Variants in EFCAB8 observed in about 807,000 individuals in gnomAD.
The protein encoded by EFCAB8 is EF-hand calcium-binding domain-containing protein 8.
EFCAB8 carries 100 observed loss-of-function variants against 116.3 expected under a neutral mutation model. That is an observed-to-expected ratio of 0.86 (90% CI 0.73 to 1.02). The LOEUF is 1.02. EFCAB8 is among the 50% of genes least tolerant of loss of function. EFCAB8 has a pLI of 0.00. For synonymous variants in EFCAB8, 558 were observed against 567.9 expected (o/e 0.98, Z 0.25); for missense variants, 1,320 against 1,416.9 (o/e 0.93, Z 1.10).
At chr20:32,945,152 TTTATTA>T (rs934084319) in intron 23 of EFCAB8, among the ~76,000 whole-genome samples, 11 of 151,774 alleles carry the variant, frequency 7.2e-5, no homozygotes, top group African/African-American at 2.7e-4. Flanking sequence ...TTCTGTTATT[TTTATTA>T]TTATTATTAT....
Position 32,917,372 on chromosome 20 carries a change from T to G in EFCAB8, c.1928T>G (p.Met643Arg). 1 of 1,551,794 alleles carries G rather than the reference T, an allele frequency of 6.4e-7. No individual in the cohort carries two copies. The highest frequency in any genetic ancestry group is 8.7e-7 in the Non-Finnish European group (1 of 1,146,994). Reference protein sequence around the residue: ...QTYHTEDILSMAKYRNQFLGT... With the variant: ...QTYHTEDILSRAKYRNQFLGT... ...TACCACACGGAGGACATCCTGAGCATGGCCAAGTACCGGAACCAGTTCCTT... is the reference window on the plus strand; with the variant it reads ...TACCACACGGAGGACATCCTGAGCAGGGCCAAGTACCGGAACCAGTTCCTT... Residue 643 changes from methionine to arginine, a missense_variant, in exon 18 of 27, where the codon ATG becomes AGG. Transcript: ENST00000400522.
chr20:32,961,111 C>T, intron 26 of EFCAB8, 25 bp from the exon 27 acceptor site: 4 of 1,547,718 alleles, frequency 2.6e-6, no homozygotes, highest in Middle Eastern at 1.7e-4. Context: ...TGCCCCATTC[C>T]CGCTCCCCAC....
At chr20:32,959,686 G>T in intron 24 of EFCAB8, 92 bp from the exon 25 acceptor site, 1 of 926,846 alleles carries the variant, frequency 1.1e-6, no homozygotes, top group Non-Finnish European at 1.6e-6. Context: ...GAAAGGATCA[G>T]GCCAGGAAGG....
intron 9 of EFCAB8, among the ~76,000 whole-genome samples, chr20:32,894,304 A>T (rs1462155202): frequency 6.6e-6 from 1 of 152,186 alleles, no homozygotes; most frequent in Non-Finnish European, 1.5e-5. Flanking sequence ...TTGTTGGGGC[A>T]GCGTCCCCTG....
At chr20:32,953,366 T>C (rs1490420664) in intron 23 of EFCAB8, among the ~76,000 whole-genome samples, 6 of 152,240 alleles carry the variant, frequency 3.9e-5, no homozygotes, top group Non-Finnish European at 7.3e-5. Flanking sequence ...CTGGATCATA[T>C]GGTAGTTCTA....
chr20:32,952,154 A>G (rs1206479499), intron 23 of EFCAB8, among the ~76,000 whole-genome samples: 2 of 152,110 alleles, frequency 1.3e-5, no homozygotes, highest in African/African-American at 4.8e-5. Context: ...AGTCCCAGCT[A>G]TTCAGGAGGC....
Position 32,867,669 on chromosome 20 carries a change from C to A in EFCAB8, c.130C>A (p.Pro44Thr), listed in dbSNP as rs375900216. ...CCTTAGCCAGGTGCCTGACCTCCAG[C>A]CTGGGTCCCAGCTGTTTACTGAGAT... ...ITLSQVPDLQ[P>T]GSQLFTEIHL... is the part of the protein sequence containing the mutation. Residue 44 changes from proline to threonine, a missense_variant, in exon 3 of 27, where the codon CCT becomes ACT. Pro to Thr is a conservative substitution (Grantham distance 38, BLOSUM62 -1). Transcript: ENST00000400522. 1.3e-6 allele frequency: 2 copies of A among 1,551,660 alleles called. No homozygotes were observed. Among genetic ancestry groups the A allele is most frequent in the South Asian group, 2.4e-5 (2 of 84,044 alleles).
chr20:32,908,610 C>A (rs552142407), intron 14 of EFCAB8, among the ~76,000 whole-genome samples, 198 bp downstream of exon 14: 166 of 152,332 alleles, frequency 1.1e-3, no homozygotes, highest in Non-Finnish European at 1.9e-3. Flanking sequence ...CAGCCTGTCA[C>A]CCTCTCTGCA....
chr20:32,885,684 G>A, intron 6 of EFCAB8, 44 bp downstream of exon 6: 1 of 1,545,406 alleles, frequency 6.5e-7, no homozygotes. Context: ...GGTGATTGGA[G>A]AGCCTCTGCC....
intron 22 of EFCAB8, among the ~76,000 whole-genome samples, chr20:32,938,002 G>T (rs1354455737): frequency 6.7e-6 from 1 of 149,784 alleles, no homozygotes; most frequent in Non-Finnish European, 1.5e-5. Context: ...ACCAGATAAA[G>T]ATATCACAGG....
rs978249803 is a variant in EFCAB8, at chr20:32,955,287, C to A, written c.2960-3134C>A. Among the ~76,000 whole-genome samples the A allele has an allele frequency of 2.6e-5, 4 of 152,314 alleles. No homozygotes were observed. In the East Asian group the frequency reaches 7.7e-4, roughly 29 times the overall value. On this transcript the variant is annotated intron_variant, in intron 23 of 26. Coordinates refer to ENST00000400522, the MANE Select transcript of EFCAB8 (RefSeq NM_001143967.2). ...GGGCTCAGTGGCTCATGCCTGTAAT[C>A]ACAGCACTTTGACAGACCAAGGTGG... is the stretch of plus-strand genomic sequence containing the variant.
intron 6 of EFCAB8, among the ~76,000 whole-genome samples, chr20:32,887,679 G>C (rs1985701013): frequency 6.6e-6 from 1 of 152,186 alleles, no homozygotes. Context: ...TCTTCCCCAG[G>C]ACACAGCAGC....
chr20:32,918,593 CCA>C lies in EFCAB8; in HGVS notation c.2274+20_2274+21del. ...CCAGCAGGTGGGAGCGAGAGCCCAA[CCA>C]GAAGGCTACCCTCACTCTCTAGCCG... On this transcript the variant is annotated intron_variant, in intron 19 of 26. Coordinates refer to ENST00000400522, the MANE Select transcript of EFCAB8 (RefSeq NM_001143967.2). The C allele has an allele frequency of 6.5e-7, 1 of 1,549,936 alleles. No homozygotes were observed. Among genetic ancestry groups the C allele is most frequent in the Non-Finnish European group, 8.7e-7 (1 of 1,145,824 alleles).
chr20:32,918,406 C>T lies in EFCAB8; in HGVS notation c.2106C>T (p.Ser702=), dbSNP rs1987289397. 3 of 1,551,728 alleles carry T rather than the reference C, an allele frequency of 1.9e-6. No homozygotes were observed. The highest frequency in any genetic ancestry group is 2.6e-6 in the Non-Finnish European group (3 of 1,146,984). ...GCCTGGCTGAGAGCCACAGGCCCAG[C>T]AGACCCTATGTGGAGCGGGAGAAGT... ...NNCLAESHRP[S]RPYVEREKWT... Residue 702 remains serine (S), a synonymous_variant, in exon 19 of 27, where the codon AGC becomes AGT. Transcript: ENST00000400522.
At chr20:32,946,338 G>A (rs903278176) in intron 23 of EFCAB8, among the ~76,000 whole-genome samples, 1 of 152,258 alleles carries the variant, frequency 6.6e-6, no homozygotes, top group Non-Finnish European at 1.5e-5. Context: ...ACTGAGCCAG[G>A]AGGAGGGATT....
chr20:32,899,755 G>T (rs953025350), intron 11 of EFCAB8, among the ~76,000 whole-genome samples: 8 of 151,926 alleles, frequency 5.3e-5, no homozygotes, highest in Admixed American at 5.2e-4. Context: ...TGTATTTTTA[G>T]TAGAGACGGG....
At chr20:32,908,595 G>A (rs144915387) in intron 14 of EFCAB8, among the ~76,000 whole-genome samples, 183 bp downstream of exon 14, 57 of 152,238 alleles carry the variant, frequency 3.7e-4, no homozygotes, top group Middle Eastern at 3.4e-3. Flanking sequence ...CTGTTTCTAG[G>A]CCCCCAGCCT....
At chr20:32,878,505 GTTC>G (rs1275828579) in intron 4 of EFCAB8, among the ~76,000 whole-genome samples, 196 bp from the exon 5 acceptor site, 5 of 130,620 alleles carry the variant, frequency 3.8e-5, no homozygotes, top group African/African-American at 1.3e-4. Context: ...TCAGGCTTGA[GTTC>G]TTTTTTTTTT....
Position 32,892,209 on chromosome 20 carries a change from C to T in EFCAB8, c.674-4C>T. On this transcript the variant is annotated splice_region_variant and splice_polypyrimidine_tract_variant and intron_variant, in intron 7 of 26. Coordinates refer to ENST00000400522, the MANE Select transcript of EFCAB8 (RefSeq NM_001143967.2). ...CTCTATGTGGCCTTCTGTCTTTCCC[C>T]CAGATTTCTTTGATATTAGTGACCA... 1 of 1,551,600 alleles carries T rather than the reference C, an allele frequency of 6.4e-7. No homozygotes were observed. The highest frequency in any genetic ancestry group is 8.7e-7 in the Non-Finnish European group (1 of 1,146,924).
Sources: allele counts gnomAD v4.1 joint callset (sites outside exome capture counted in the v4.1 genomes callset), GRCh38; gene constraint gnomAD v4.1.1; transcripts MANE v1.5; gene names NCBI Gene and HGNC (gene_info 2026-07-23, HGNC 2026-07-21).